PPEF2: variants seen among roughly 807,000 people sequenced by gnomAD.
The protein encoded by PPEF2 is serine/threonine-protein phosphatase with EF-hands 2.
A neutral mutation model predicts 84.7 loss-of-function variants in PPEF2; 84 were observed. That is an observed-to-expected ratio of 0.99 (90% CI 0.83 to 1.19). PPEF2 has a LOEUF of 1.19. PPEF2 is among the 50% of genes most tolerant of loss of function. The pLI, the probability that PPEF2 is intolerant of heterozygous loss-of-function variation, is 0.00. For missense variants in PPEF2, 924 were observed against 937.5 expected, an observed-to-expected ratio of 0.99 and a Z score of 0.19; for synonymous variants, 346 against 345.2, an observed-to-expected ratio of 1.00 and a Z score of -0.03.
chr4:75,880,252 A>C (rs1223760579), intron 10 of PPEF2, among the ~76,000 whole-genome samples: 1 of 152,108 alleles, frequency 6.6e-6, no homozygotes, highest in Non-Finnish European at 1.5e-5. Context: ...ATTTTCTATA[A>C]ATTAGTTGAT....
chr4:75,901,395 A>T (rs1329232836), intron 1 of PPEF2, among the ~76,000 whole-genome samples: 1 of 152,042 alleles, frequency 6.6e-6, no homozygotes, highest in African/African-American at 2.4e-5. Flanking sequence ...ACATGCCTAT[A>T]ATACCAGCTA....
At chr4:75,889,752 T>C (rs973833729) in intron 5 of PPEF2, among the ~76,000 whole-genome samples, 1 of 152,212 alleles carries the variant, frequency 6.6e-6, no homozygotes, top group African/African-American at 2.4e-5. Context: ...TGAGAGATTA[T>C]GTGATTAGGA....
At chr4:75,891,222 C>T (rs187871425) in intron 4 of PPEF2, among the ~76,000 whole-genome samples, 210 of 151,972 alleles carry the variant, frequency 1.4e-3, no homozygotes, top group African/African-American at 4.6e-3. Flanking sequence ...AAGCCTCCTT[C>T]CTATACTTCT....
intron 13 of PPEF2, among the ~76,000 whole-genome samples, chr4:75,870,670 G>A (rs1378429240): frequency 1.3e-5 from 2 of 152,132 alleles, no homozygotes; most frequent in Non-Finnish European, 2.9e-5. Flanking sequence ...AATTGCCTCG[G>A]TCAAGGACTA....
intron 2 of PPEF2, among the ~76,000 whole-genome samples, chr4:75,895,254 C>G (rs991874289): frequency 6.6e-6 from 1 of 150,672 alleles, no homozygotes; most frequent in Non-Finnish European, 1.5e-5. Flanking sequence ...ATGGTGAAGC[C>G]CCGTCTCTAC....
intron 6 of PPEF2, among the ~76,000 whole-genome samples, chr4:75,887,416 TAAA>T (rs1017268233): frequency 1.3e-5 from 2 of 151,916 alleles, no homozygotes; most frequent in Non-Finnish European, 2.9e-5. Context: ...GGTCAGGAGA[TAAA>T]GACCATCCCG....
Position 75,860,919 on chromosome 4 carries a change from C to A in PPEF2, c.2010G>T (p.Gly670=), listed in dbSNP as rs770300500. 5.3e-5 allele frequency: 85 copies of A among 1,612,128 alleles called. No homozygotes were observed. Among genetic ancestry groups the A allele is most frequent in the Non-Finnish European group, 7.0e-5 (83 of 1,178,462 alleles). Residue 670 remains glycine, a splice_region_variant and synonymous_variant, in exon 17 of 17, where the codon GGG becomes GGT. Transcript: ENST00000286719. ...GCCTGAACTCGTCCAGTGAGATGAACCCTTATCAGAGGGAGGAAATCACTT... is the reference window on the plus strand; with the variant it reads ...GCCTGAACTCGTCCAGTGAGATGAAACCTTATCAGAGGGAGGAAATCACTT... ...IFRIIDSDHS[G]FISLDEFRQT... is the part of the protein sequence containing the mutation.
chr4:75,863,265 G>T (rs2149213023), intron 16 of PPEF2, among the ~76,000 whole-genome samples: 1 of 152,050 alleles, frequency 6.6e-6, no homozygotes, highest in East Asian at 1.9e-4. Flanking sequence ...ATCTAGGTGG[G>T]TGAATCACGA....
rs28436183 is a variant in PPEF2 at position 75,890,022 on chromosome 4, G to A, written c.352C>T (p.Arg118Cys). The A allele has an allele frequency of 5.6e-3, 9,036 of 1,613,912 alleles. 456 individuals are homozygous for A. In the African/African-American group the frequency reaches 0.11, roughly 19 times the overall value. Residue 118 changes from arginine (R) to cysteine (C), a missense_variant, in exon 5 of 17, where the codon CGC (arginine) becomes TGC (cysteine). Physicochemically the swap from Arg to Cys is radical, Grantham distance 180. Coordinates refer to ENST00000286719, the MANE Select transcript of PPEF2 (RefSeq NM_006239.3). ...TCAGGCAGGAGTGGGAAGGAGAGGC[G>A]TGGCCCCGTGTAACTGTCGGGTACC... ...IEVPDSYTGP[R>C]LSFPLLPDHA...
At chr4:75,894,437 C>T (rs1724962538) in intron 2 of PPEF2, among the ~76,000 whole-genome samples, 1 of 152,206 alleles carries the variant, frequency 6.6e-6, no homozygotes, top group Non-Finnish European at 1.5e-5. Context: ...GACTCCCTCA[C>T]ACTCCAACAC....
intron 4 of PPEF2, among the ~76,000 whole-genome samples, chr4:75,891,372 G>T (rs1282734083): frequency 1.3e-5 from 2 of 152,064 alleles, no homozygotes; most frequent in Non-Finnish European, 2.9e-5. Context: ...TGCTGGACTG[G>T]CTGCGATTCC....
chr4:75,896,198 A>T, intron 2 of PPEF2, 73 bp downstream of exon 2: 1 of 1,524,114 alleles, frequency 6.6e-7, no homozygotes, highest in Non-Finnish European at 9.1e-7. Context: ...CTACCCTCAG[A>T]ACCCCCAACC....
chr4:75,897,966 G>T lies in PPEF2; in HGVS notation c.-58-1583C>A, dbSNP rs144435779. Among the ~76,000 whole-genome samples the T allele has an allele frequency of 2.4e-4, 36 of 152,262 alleles. No individual in the cohort carries two copies. In the East Asian group the frequency reaches 6.6e-3, roughly 28 times the overall value. ...GAGCCCTGAACAGAGATTTACCCACGTATTTATTACCAGCAAGCCAGTCAT... is the reference window on the plus strand; with the variant it reads ...GAGCCCTGAACAGAGATTTACCCACTTATTTATTACCAGCAAGCCAGTCAT... On this transcript the variant is annotated intron_variant, in intron 1 of 16. Coordinates refer to ENST00000286719, the MANE Select transcript of PPEF2 (RefSeq NM_006239.3).
At chr4:75,900,241 CT>C (rs369684606) in intron 1 of PPEF2, among the ~76,000 whole-genome samples, 6 of 152,094 alleles carry the variant, frequency 3.9e-5, no homozygotes, top group African/African-American at 7.2e-5. Flanking sequence ...CCTTAGGCAA[CT>C]TTTTTTCTCA....
At chr4:75,887,349 G>A (rs1171832369) in intron 6 of PPEF2, among the ~76,000 whole-genome samples, 2 of 152,058 alleles carry the variant, frequency 1.3e-5, no homozygotes, top group Non-Finnish European at 2.9e-5. Context: ...TGGGCCGGGC[G>A]GGTGGCTCAC....
chr4:75,885,091 C>T (rs1440804802), intron 7 of PPEF2, among the ~76,000 whole-genome samples: 1 of 152,008 alleles, frequency 6.6e-6, no homozygotes, highest in East Asian at 1.9e-4. Flanking sequence ...ATAATACTTG[C>T]CATAGATTTC....
At chr4:75,879,057 CTG>C (rs1724500264) in intron 10 of PPEF2, among the ~76,000 whole-genome samples, 1 of 152,172 alleles carries the variant, frequency 6.6e-6, no homozygotes, top group African/African-American at 2.4e-5. Flanking sequence ...CTATTAATGA[CTG>C]TTTTCCCCAT....
intron 5 of PPEF2, 138 bp from the exon 6 acceptor site, chr4:75,888,466 G>T (rs982102255): frequency 8.4e-6 from 5 of 596,206 alleles, no homozygotes; most frequent in Non-Finnish European, 1.2e-5. Context: ...CTGGGACTAT[G>T]CACGGATTCT....
chr4:75,893,428 G>A (rs1724935684), intron 2 of PPEF2, among the ~76,000 whole-genome samples: 1 of 151,910 alleles, frequency 6.6e-6, no homozygotes, highest in Non-Finnish European at 1.5e-5. Flanking sequence ...AACCTGGGAG[G>A]CAGAGGTTGC....
Sources: gnomAD v4.1 joint callset for allele counts (sites outside exome capture counted in the v4.1 genomes callset) on GRCh38, gnomAD v4.1.1 for gene constraint, MANE v1.5 for transcripts, NCBI Gene and HGNC (gene_info 2026-07-23, HGNC 2026-07-21) for gene names.